CTNNA2: variants seen among roughly 807,000 people sequenced by gnomAD.
CTNNA2 encodes catenin alpha-2.
In CTNNA2, 42 loss-of-function variants were observed where a neutral mutation model predicts 101.0. The ratio of observed to expected loss-of-function variants is 0.42; its 90% confidence interval spans 0.32 to 0.54. CTNNA2 has a LOEUF of 0.54. Ranked by LOEUF, CTNNA2 falls within the 20% of genes least tolerant of loss-of-function variation. CTNNA2 has a pLI of 0.14. For missense variants in CTNNA2, 871 were observed against 1,223.1 expected, an observed-to-expected ratio of 0.71 and a Z score of 4.29; for synonymous variants, 450 against 456.4, an observed-to-expected ratio of 0.99 and a Z score of 0.18.
At chr2:79,908,530 C>G (rs909404112) in intron 6 of CTNNA2, among the ~76,000 whole-genome samples, 5 of 152,160 alleles carry the variant, frequency 3.3e-5, no homozygotes, top group Non-Finnish European at 5.9e-5. Context: ...GCAGAAAAGG[C>G]TCCCCAAAGG....
intron 7 of CTNNA2, among the ~76,000 whole-genome samples, chr2:80,065,480 A>G (rs1697920993): frequency 6.6e-6 from 1 of 151,228 alleles, no homozygotes; most frequent in Non-Finnish European, 1.5e-5. Flanking sequence ...CAGCCTCCCT[A>G]GTAGCTGGGA....
chr2:79,217,016 G>A (rs1283706440), intron 2 of CTNNA2, among the ~76,000 whole-genome samples: 2 of 152,152 alleles, frequency 1.3e-5, no homozygotes, highest in Admixed American at 6.5e-5. Context: ...TGGATAAAAC[G>A]TGTCTCCTTT....
At chr2:80,059,958 A>G (rs1050600665) in intron 7 of CTNNA2, among the ~76,000 whole-genome samples, 1 of 152,194 alleles carries the variant, frequency 6.6e-6, no homozygotes, top group Admixed American at 6.5e-5. Flanking sequence ...CCAAAAATCA[A>G]TCAGTCAATC....
intron 9 of CTNNA2, among the ~76,000 whole-genome samples, chr2:80,432,028 A>C (rs1295242859): frequency 6.6e-6 from 1 of 152,110 alleles, no homozygotes; most frequent in Non-Finnish European, 1.5e-5. Flanking sequence ...AGTTTTAATA[A>C]TATATTTAAC....
At chr2:79,798,205 A>G (rs1675871011) in intron 3 of CTNNA2, among the ~76,000 whole-genome samples, 1 of 152,126 alleles carries the variant, frequency 6.6e-6, no homozygotes, top group Non-Finnish European at 1.5e-5. Context: ...GCCTAGTCCA[A>G]CTCTTATGTC....
At chr2:79,418,206 T>C (rs1254647159) in intron 4 of CTNNA2, among the ~76,000 whole-genome samples, 2 of 152,074 alleles carry the variant, frequency 1.3e-5, no homozygotes, top group Non-Finnish European at 1.5e-5. Flanking sequence ...TCTACAATGG[T>C]GATGTTATCT....
chr2:79,289,257 C>T (rs1221033083), intron 2 of CTNNA2, among the ~76,000 whole-genome samples: 1 of 152,130 alleles, frequency 6.6e-6, no homozygotes. Context: ...CCAGGGAAAG[C>T]AAGGATGTTA....
At chr2:80,555,395 A>G (rs193081364) in intron 11 of CTNNA2, among the ~76,000 whole-genome samples, 1 of 152,216 alleles carries the variant, frequency 6.6e-6, no homozygotes, top group African/African-American at 2.4e-5. Context: ...TGGCATTAGC[A>G]TCACCTGGGA....
intron 9 of CTNNA2, among the ~76,000 whole-genome samples, chr2:80,466,877 G>T (rs1287779569): frequency 6.6e-6 from 1 of 152,206 alleles, no homozygotes; most frequent in African/African-American, 2.4e-5. Flanking sequence ...TAGATACCTT[G>T]CATTGTTCTA....
At chr2:80,546,494 G>A (rs1278127976) in intron 11 of CTNNA2, among the ~76,000 whole-genome samples, 1 of 152,148 alleles carries the variant, frequency 6.6e-6, no homozygotes, top group African/African-American at 2.4e-5. Context: ...ACAAGTGAAG[G>A]TTTGTGATAA....
chr2:80,539,321 T>G (rs58152971), intron 9 of CTNNA2, among the ~76,000 whole-genome samples: 1,543 of 122,544 alleles, frequency 0.013, 16 homozygotes, highest in African/African-American at 0.037. Flanking sequence ...CTTTTTTTTT[T>G]TTGTTGTTGT....
chr2:80,603,696 G>A (rs216660), intron 15 of CTNNA2: 8,983 of 162,786 alleles, frequency 0.055, 319 homozygotes, highest in Non-Finnish European at 0.077. Context: ...TTTCTAAATG[G>A]GAGTGATGAT....
At chr2:80,066,412 A>G (rs972033059) in intron 7 of CTNNA2, among the ~76,000 whole-genome samples, 11 of 152,210 alleles carry the variant, frequency 7.2e-5, no homozygotes, top group African/African-American at 2.7e-4. Context: ...AAATAACCCA[A>G]TTACAAAGTA....
At chr2:79,756,582 A>G (rs559264709) in intron 3 of CTNNA2, among the ~76,000 whole-genome samples, 48 of 152,368 alleles carry the variant, frequency 3.2e-4, no homozygotes, top group African/African-American at 1.2e-3. Flanking sequence ...TGAATTTCAT[A>G]TTAAAACTAG....
At chr2:79,480,579 G>A (rs1011866748) in intron 4 of CTNNA2, among the ~76,000 whole-genome samples, 82 of 152,188 alleles carry the variant, frequency 5.4e-4, no homozygotes, top group African/African-American at 1.9e-3. Flanking sequence ...TTCTACATTT[G>A]TTATCTTTTT....
intron 2 of CTNNA2, among the ~76,000 whole-genome samples, chr2:79,254,640 A>G (rs1674818372): frequency 6.6e-6 from 1 of 152,194 alleles, no homozygotes; most frequent in Non-Finnish European, 1.5e-5. Flanking sequence ...AGTCTCAGGT[A>G]TTTCTTTATA....
At chr2:80,005,104 C>T (rs1693238594) in intron 7 of CTNNA2, among the ~76,000 whole-genome samples, 1 of 152,152 alleles carries the variant, frequency 6.6e-6, no homozygotes, top group Admixed American at 6.6e-5. Context: ...TGGAATGGTA[C>T]TGGTTGGAAG....
rs148635919 is a variant in CTNNA2 at position 80,507,433 on chromosome 2, A to G, written c.1291-37549A>G. Among the ~76,000 whole-genome samples the G allele has an allele frequency of 4.4e-3, 668 of 152,234 alleles. 5 individuals carry two copies. Among genetic ancestry groups the G allele is most frequent in the African/African-American group, 0.015 (643 of 41,528 alleles). On this transcript the variant is annotated intron_variant, in intron 9 of 18. Coordinates refer to ENST00000402739, the MANE Select transcript of CTNNA2 (RefSeq NM_001282597.3). ...ATTTGAGTTCTCATAATGTAAAACT[A>G]CTCTGCCTGCTAAATTAACCTCGAT...
At chr2:80,423,301 G>A (rs1680698521) in intron 9 of CTNNA2, among the ~76,000 whole-genome samples, 1 of 151,754 alleles carries the variant, frequency 6.6e-6, no homozygotes, top group African/African-American at 2.4e-5. Flanking sequence ...TTATTTTAGT[G>A]CTGTACTCAT....
Sources: allele counts gnomAD v4.1 joint callset (sites outside exome capture counted in the v4.1 genomes callset), GRCh38; gene constraint gnomAD v4.1.1; transcripts MANE v1.5; gene names NCBI Gene and HGNC (gene_info 2026-07-23, HGNC 2026-07-21).